The following PCDHGB2 variants were observed in gnomAD, a reference collection of about 807,000 sequenced individuals.
PCDHGB2 encodes protocadherin gamma-B2.
In PCDHGB2, 55 loss-of-function variants were observed where a neutral mutation model predicts 59.3. The observed-to-expected ratio is 0.93, with a 90% CI of 0.75 to 1.16. The LOEUF is 1.16. Ranked by LOEUF, PCDHGB2 falls within the 50% of genes most tolerant of loss-of-function variation. The pLI is 0.00. For missense variants in PCDHGB2, 1,228 were observed against 1,198.5 expected (o/e 1.02, Z -0.36); for synonymous variants, 516 against 512.0 (o/e 1.01, Z -0.11).
At position 141,420,019 on chromosome 5, in the gene PCDHGB2, C is replaced by T. The variant is rs2096459006; in HGVS notation, c.2421+57463C>T. 13 of 1,614,072 alleles carry T rather than the reference C, an allele frequency of 8.1e-6. No homozygotes were observed. In the East Asian group the frequency reaches 2.7e-4, roughly 33 times the overall value. On this transcript the variant is annotated intron_variant, in intron 1 of 3. Coordinates refer to ENST00000522605, the MANE Select transcript of PCDHGB2 (RefSeq NM_018923.3). ...CTCTACGCCTGCGACAGTCTTTCAGCCCTACTGCAGGAGACTGCTTTGAGT... is the reference window on the plus strand; with the variant it reads ...CTCTACGCCTGCGACAGTCTTTCAGTCCTACTGCAGGAGACTGCTTTGAGT...
intron 1 of PCDHGB2, chr5:141,413,467 G>C: frequency 1.2e-6 from 2 of 1,614,136 alleles, no homozygotes; most frequent in East Asian, 2.2e-5. Context: ...AGACCGGGAG[G>C]AGCTCTGCGC....
At chr5:141,364,846 C>A in intron 1 of PCDHGB2, 5 of 1,613,994 alleles carry the variant, frequency 3.1e-6, no homozygotes, top group Non-Finnish European at 4.2e-6. Flanking sequence ...GTTACCAGCT[C>A]AGCTCCAATC....
intron 1 of PCDHGB2, among the ~76,000 whole-genome samples, chr5:141,455,137 G>A (rs892739175): frequency 2.7e-5 from 4 of 150,642 alleles, no homozygotes; most frequent in African/African-American, 9.8e-5. Flanking sequence ...ATTACACTGT[G>A]TTAAATAAAT....
rs769187557 is a variant in PCDHGB2, at chr5:141,433,087, A to C, written c.2422-61720A>C. 2.5e-6 allele frequency: 4 copies of C among 1,614,206 alleles called. No homozygotes were observed. In the Admixed American group the frequency reaches 6.7e-5, roughly 27 times the overall value. On this transcript the variant is annotated intron_variant, in intron 1 of 3. Transcript: ENST00000522605. The stretch of plus-strand genomic sequence containing the variant: ...TGATCTTCCCCCAGCCCAACTATGC[A>C]GACATGCTCGTCAGCCAGGAGAGCT...
At chr5:141,402,474 G>T (rs2094271773) in intron 1 of PCDHGB2, among the ~76,000 whole-genome samples, 1 of 152,122 alleles carries the variant, frequency 6.6e-6, no homozygotes, top group South Asian at 2.1e-4. Flanking sequence ...GAAATAGAGT[G>T]CAAAGTTCTA....
intron 1 of PCDHGB2, chr5:141,396,643 A>C (rs1271446592): frequency 6.6e-6 from 1 of 152,180 alleles, no homozygotes; most frequent in Admixed American, 6.5e-5. Context: ...ACTAATATTA[A>C]TAGTAAAAAC....
chr5:141,433,671 A>G (rs1376085577), intron 1 of PCDHGB2, among the ~76,000 whole-genome samples: 12 of 152,058 alleles, frequency 7.9e-5, no homozygotes, highest in Admixed American at 7.2e-4. Flanking sequence ...CCCCGTCTAT[A>G]CTAAAAAAAT....
At chr5:141,501,333 A>C (rs200092587) in intron 2 of PCDHGB2, among the ~76,000 whole-genome samples, 397 of 140,104 alleles carry the variant, frequency 2.8e-3, no homozygotes, top group Non-Finnish European at 2.6e-3. Flanking sequence ...ACACACACAC[A>C]CCCCAAACTC....
Position 141,432,267 on chromosome 5 carries a change from C to T in PCDHGB2, c.2422-62540C>T, listed in dbSNP as rs746089276. 4.3e-6 allele frequency: 7 copies of T among 1,614,244 alleles called. No homozygotes were observed. On this transcript the variant is annotated intron_variant, in intron 1 of 3. Transcript: ENST00000522605. The surrounding 1 kb of genome is among the most constrained non-coding windows in gnomAD (Gnocchi z 6.0). ...ACCATCCAAGGGGCAAGCCTATCGT[C>T]CTACGTGTCCATCAACTCCGACACT...
At chr5:141,402,019 C>A (rs1354499456) in intron 1 of PCDHGB2, among the ~76,000 whole-genome samples, 1 of 152,084 alleles carries the variant, frequency 6.6e-6, no homozygotes, top group Non-Finnish European at 1.5e-5. Flanking sequence ...GCATTTGAAT[C>A]ATTGAAACAC....
intron 1 of PCDHGB2, among the ~76,000 whole-genome samples, chr5:141,469,716 A>G (rs1189597018): frequency 3.9e-5 from 6 of 152,260 alleles, no homozygotes; most frequent in African/African-American, 1.4e-4. Context: ...CACTATTAGG[A>G]ATTTATCATA....
In PCDHGB2 at chr5:141,432,661, C is replaced by T; in HGVS notation, c.2422-62146C>T. ...TGCGCACGGCGCGAGCCCTGCTGGACAGAGACGCGCTCAAGCAGAGCCTCG... is the reference window on the plus strand; with the variant it reads ...TGCGCACGGCGCGAGCCCTGCTGGATAGAGACGCGCTCAAGCAGAGCCTCG... On this transcript the variant is annotated intron_variant, in intron 1 of 3. Transcript: ENST00000522605. This position sits in a 1 kb window ranked among gnomAD's most constrained non-coding sequence, Gnocchi z 6.0. 3.1e-6 allele frequency: 5 copies of T among 1,613,886 alleles called. No homozygotes were observed. In the South Asian group the frequency reaches 5.5e-5, roughly 18 times the overall value.
At chr5:141,415,401 G>T in intron 1 of PCDHGB2, 2 of 1,614,206 alleles carry the variant, frequency 1.2e-6, no homozygotes, top group Non-Finnish European at 1.7e-6. Context: ...TGTCCGGCTC[G>T]CACTTTGTGG....
intron 1 of PCDHGB2, chr5:141,419,333 A>T (rs1219255880): frequency 6.2e-7 from 1 of 1,613,804 alleles, no homozygotes; most frequent in South Asian, 1.1e-5. Context: ...CTACTCTCTC[A>T]TTGCCAGCGA....
intron 1 of PCDHGB2, chr5:141,388,015 G>A (rs2091197688): frequency 6.8e-7 from 1 of 1,467,954 alleles, no homozygotes; most frequent in South Asian, 1.3e-5. Context: ...ATGCCCAAGG[G>A]CTCCGTAGTG....
chr5:141,417,969 T>G, intron 1 of PCDHGB2: 1 of 1,613,768 alleles, frequency 6.2e-7, no homozygotes, highest in Non-Finnish European at 8.5e-7. Flanking sequence ...CGCTACTCGA[T>G]TCCGGAGGAG....
In PCDHGB2 at chr5:141,360,582, TACA is replaced by T. The variant is rs1223956986; in HGVS notation, c.451_453del (p.Thr151del). The T allele has an allele frequency of 5.6e-6, 9 of 1,613,976 alleles. No homozygotes were observed. The highest frequency in any genetic ancestry group is 1.3e-5 in the African/African-American group (1 of 75,068). On this transcript the variant is annotated inframe_deletion, in exon 1 of 4. Transcript: ENST00000522605. Reference sequence around the variant, plus strand: ...AAATTGGCGAATCCACTAAGCCAGGTACAACATTTCCACTTGACCCAGCCCTGG... The same window carrying T: ...AAATTGGCGAATCCACTAAGCCAGGTACATTTCCACTTGACCCAGCCCTGG...
chr5:141,425,555 A>C (rs1282440598), intron 1 of PCDHGB2, among the ~76,000 whole-genome samples: 2 of 152,388 alleles, frequency 1.3e-5, no homozygotes, highest in Middle Eastern at 6.8e-3. Context: ...AACCTCTTTT[A>C]TAAGTGATAA....
intron 1 of PCDHGB2, chr5:141,404,696 G>T: frequency 6.2e-7 from 1 of 1,614,104 alleles, no homozygotes; most frequent in South Asian, 1.1e-5. Flanking sequence ...ACCCCGCTCT[G>T]CAGAGCCTGG....
Sources: gnomAD v4.1 joint callset for allele counts (sites outside exome capture counted in the v4.1 genomes callset) on GRCh38, gnomAD v4.1.1 for gene constraint, Gnocchi (gnomAD v3.1) non-coding constraint, MANE v1.5 for transcripts, NCBI Gene and HGNC (gene_info 2026-07-23, HGNC 2026-07-21) for gene names.